UNC5C: variants seen among roughly 807,000 people sequenced by gnomAD.
UNC5C encodes the protein unc-5 netrin receptor C, also known as netrin receptor UNC5C.
A neutral mutation model predicts 99.8 loss-of-function variants in UNC5C; 47 were observed. The ratio of observed to expected loss-of-function variants is 0.47; its 90% confidence interval spans 0.37 to 0.60. The LOEUF is 0.60. UNC5C is among the 20% of genes least tolerant of loss of function. The pLI is 0.00. For missense variants in UNC5C, 1,062 were observed against 1,165.9 expected (o/e 0.91, Z 1.30); for synonymous variants, 487 against 452.2 (o/e 1.08, Z -0.98).
intron 1 of UNC5C, among the ~76,000 whole-genome samples, chr4:95,536,079 TATA>T (rs144595741): frequency 0.32 from 40,863 of 127,720 alleles, 6,861 homozygotes; most frequent in Non-Finnish European, 0.41. Context: ...TATATATATA[TATA>T]TTTTTTTTTT....
chr4:95,384,655 A>G (rs1229978213), intron 1 of UNC5C, among the ~76,000 whole-genome samples: 1 of 152,114 alleles, frequency 6.6e-6, no homozygotes, highest in African/African-American at 2.4e-5. Context: ...ATAATTTTTC[A>G]GGGGGAAAAT....
chr4:95,525,171 T>C (rs1722464868), intron 1 of UNC5C, among the ~76,000 whole-genome samples: 1 of 152,178 alleles, frequency 6.6e-6, no homozygotes. Flanking sequence ...ATTCTGAGAA[T>C]GCACTCCCCT....
intron 2 of UNC5C, among the ~76,000 whole-genome samples, chr4:95,308,678 A>T (rs1448628244): frequency 7.6e-6 from 1 of 131,676 alleles, no homozygotes; most frequent in Non-Finnish European, 1.6e-5. Context: ...CTTGAACCTG[A>T]GAGGTGGAGG....
intron 7 of UNC5C, among the ~76,000 whole-genome samples, chr4:95,225,757 G>A (rs1738661288): frequency 6.6e-6 from 1 of 152,108 alleles, no homozygotes. Context: ...AAACAGACCA[G>A]TATTAAGTGT....
At chr4:95,515,089 A>T (rs1317071248) in intron 1 of UNC5C, among the ~76,000 whole-genome samples, 1 of 152,224 alleles carries the variant, frequency 6.6e-6, no homozygotes, top group Non-Finnish European at 1.5e-5. Context: ...CACTTAAATG[A>T]CAGGAAATTA....
At chr4:95,415,182 T>G (rs2149453572) in intron 1 of UNC5C, among the ~76,000 whole-genome samples, 1 of 152,274 alleles carries the variant, frequency 6.6e-6, no homozygotes, top group African/African-American at 2.4e-5. Flanking sequence ...TTTTCTAAAA[T>G]TCTAGGCATG....
intron 1 of UNC5C, among the ~76,000 whole-genome samples, chr4:95,377,304 G>T (rs1310869467): frequency 6.6e-6 from 1 of 152,120 alleles, no homozygotes; most frequent in Non-Finnish European, 1.5e-5. Flanking sequence ...TTTGCTAATT[G>T]AATGATCAAT....
intron 1 of UNC5C, among the ~76,000 whole-genome samples, chr4:95,477,532 T>C (rs1720966170): frequency 6.6e-6 from 1 of 152,006 alleles, no homozygotes; most frequent in Admixed American, 6.6e-5. Context: ...AGACAGAATT[T>C]TTCCTACATG....
chr4:95,215,602 G>A (rs1482663065), intron 10 of UNC5C, among the ~76,000 whole-genome samples: 1 of 152,016 alleles, frequency 6.6e-6, no homozygotes, highest in African/African-American at 2.4e-5. Flanking sequence ...ACAGCCTAAT[G>A]TGGAATTTAT....
chr4:95,258,724 A>C (rs780096507), intron 4 of UNC5C, among the ~76,000 whole-genome samples: 2 of 130,680 alleles, frequency 1.5e-5, no homozygotes, highest in Non-Finnish European at 3.3e-5. Context: ...TAGTCCCACT[A>C]TGTGTAATCG....
intron 3 of UNC5C, among the ~76,000 whole-genome samples, chr4:95,285,458 G>A (rs1741198714): frequency 6.6e-6 from 1 of 151,972 alleles, no homozygotes; most frequent in Non-Finnish European, 1.5e-5. Context: ...AAATTATAAA[G>A]CACAACGTAT....
At chr4:95,368,821 A>G (rs2626076) in intron 1 of UNC5C, among the ~76,000 whole-genome samples, 22,103 of 152,218 alleles carry the variant, frequency 0.15, 1,949 homozygotes, top group Admixed American at 0.2. Flanking sequence ...ATTGCAAAAT[A>G]TATTCAACAT....
chr4:95,172,596 T>C lies in UNC5C; in HGVS notation c.2452-2264A>G, dbSNP rs545176361. 7.2e-4 allele frequency among the ~76,000 whole-genome samples: 110 copies of C among 151,988 alleles called. No individual in the cohort carries two copies. The East Asian group carries it at 0.02, about 28-fold the overall frequency. ...AGGGCTCTGTTCTGTTCCATTGGTC[T>C]ATATCTCTGTTTTGGTACCAGTACC... On this transcript the variant is annotated intron_variant, in intron 14 of 15. Coordinates refer to ENST00000453304, the MANE Select transcript of UNC5C (RefSeq NM_003728.4).
intron 1 of UNC5C, among the ~76,000 whole-genome samples, chr4:95,418,047 T>G (rs975953664): frequency 1.3e-5 from 2 of 152,190 alleles, no homozygotes; most frequent in African/African-American, 4.8e-5. Flanking sequence ...TGGTGACTCC[T>G]TCTTCCATGT....
chr4:95,384,608 A>G (rs1745160791), intron 1 of UNC5C, among the ~76,000 whole-genome samples: 1 of 152,202 alleles, frequency 6.6e-6, no homozygotes, highest in Admixed American at 6.5e-5. Context: ...GGGTCAAATC[A>G]AGAAGCTTGA....
chr4:95,440,111 C>A (rs1746905902), intron 1 of UNC5C, among the ~76,000 whole-genome samples: 1 of 152,150 alleles, frequency 6.6e-6, no homozygotes, highest in Non-Finnish European at 1.5e-5. Context: ...AATGCAGCGA[C>A]CCTCAGATAC....
chr4:95,401,907 A>G (rs1215930167), intron 1 of UNC5C, among the ~76,000 whole-genome samples: 1 of 152,200 alleles, frequency 6.6e-6, no homozygotes, highest in Non-Finnish European at 1.5e-5. Flanking sequence ...ATTACAGTAC[A>G]ATGGAATGTG....
At chr4:95,264,483 A>G (rs1740365992) in intron 4 of UNC5C, among the ~76,000 whole-genome samples, 1 of 152,094 alleles carries the variant, frequency 6.6e-6, no homozygotes, top group Non-Finnish European at 1.5e-5. Flanking sequence ...AGTCCAAAAG[A>G]TATCAACTCC....
intron 2 of UNC5C, among the ~76,000 whole-genome samples, chr4:95,333,013 A>C (rs1006413124): frequency 6.6e-6 from 1 of 152,198 alleles, no homozygotes; most frequent in Non-Finnish European, 1.5e-5. Flanking sequence ...AATCAAAACC[A>C]CAATGAGATA....
Sources: gnomAD v4.1 joint callset for allele counts (sites outside exome capture counted in the v4.1 genomes callset) on GRCh38, gnomAD v4.1.1 for gene constraint, MANE v1.5 for transcripts, NCBI Gene and HGNC (gene_info 2026-07-23, HGNC 2026-07-21) for gene names.